ERBB4: variants seen among roughly 807,000 people sequenced by gnomAD.
ERBB4 encodes the protein receptor tyrosine-protein kinase erbB-4.
Under a neutral mutation model 158.0 loss-of-function variants are expected in ERBB4, and 42 were observed. That is an observed-to-expected ratio of 0.27 (90% confidence interval 0.21 to 0.34). ERBB4 has a LOEUF of 0.34. Among genes scored for constraint, ERBB4 ranks in the 10% least tolerant of loss-of-function variants. The pLI, the probability that ERBB4 is intolerant of heterozygous loss-of-function variation, is 1.00. For synonymous variants in ERBB4, 583 were observed against 558.7 expected, an observed-to-expected ratio of 1.04 and a Z score of -0.61; for missense variants, 1,333 against 1,624.1, an observed-to-expected ratio of 0.82 and a Z score of 3.08.
At chr2:211,556,635 A>G in intron 20 of ERBB4, among the ~76,000 whole-genome samples, 1 of 152,190 alleles carries the variant, frequency 6.6e-6, no homozygotes, top group Non-Finnish European at 1.5e-5. Context: ...ATTGCACATA[A>G]ATACTCCTCA....
intron 20 of ERBB4, among the ~76,000 whole-genome samples, chr2:211,513,357 C>CAAAAAAAAAAAAAAAAAAAAAAAAAA (rs61042785): frequency 1.3e-4 from 5 of 39,200 alleles, no homozygotes; most frequent in African/African-American, 3.3e-4. Context: ...GACTCCGTCT[C>CAAAAAAAAAAAAAAAAAAAAAAAAAA]AAAAAAAAAA....
chr2:211,470,188 A>T (rs920793139), intron 20 of ERBB4, among the ~76,000 whole-genome samples: 1 of 152,140 alleles, frequency 6.6e-6, no homozygotes, highest in East Asian at 1.9e-4. Context: ...TACGTCCCAC[A>T]CTAATATTAA....
intron 3 of ERBB4, among the ~76,000 whole-genome samples, chr2:211,867,051 A>AAAAG (rs869292344): frequency 1.6e-4 from 22 of 138,510 alleles, no homozygotes; most frequent in African/African-American, 5.7e-4. Context: ...AAAAAAAAAA[A>AAAAG]GATCGTGTTC....
chr2:212,295,267 A>G (rs890128567), intron 1 of ERBB4, among the ~76,000 whole-genome samples: 4 of 152,070 alleles, frequency 2.6e-5, no homozygotes, highest in Admixed American at 2.6e-4. Context: ...AAATTACTCA[A>G]AGCACCCATA....
At chr2:212,044,978 AC>A (rs1428377444) in intron 2 of ERBB4, among the ~76,000 whole-genome samples, 1 of 152,060 alleles carries the variant, frequency 6.6e-6, no homozygotes, top group Non-Finnish European at 1.5e-5. Flanking sequence ...ACACTTCATT[AC>A]CCGTCATATA....
chr2:212,145,727 T>TAA (rs5838300), intron 1 of ERBB4, among the ~76,000 whole-genome samples: 95 of 88,870 alleles, frequency 1.1e-3, no homozygotes, highest in African/African-American at 2.8e-3. Flanking sequence ...CAGCATGCAG[T>TAA]AAAAAAAAAA....
chr2:211,698,332 A>G (rs1368744275), intron 12 of ERBB4, among the ~76,000 whole-genome samples: 13 of 151,388 alleles, frequency 8.6e-5, no homozygotes, highest in Admixed American at 2.6e-4. Context: ...AAAAAAAAAA[A>G]AGGGGAATAA....
At chr2:211,550,111 C>T (rs1010971431) in intron 20 of ERBB4, among the ~76,000 whole-genome samples, 4 of 152,056 alleles carry the variant, frequency 2.6e-5, no homozygotes, top group African/African-American at 7.2e-5. Flanking sequence ...TGCTGACCAC[C>T]ATTAAGCTAA....
rs192678570 is a variant in ERBB4 at position 211,660,132 on chromosome 2, A to G, written c.1872-2304T>C. On this transcript the variant is annotated intron_variant, in intron 15 of 27. Coordinates refer to ENST00000342788, the MANE Select transcript of ERBB4 (RefSeq NM_005235.3). ...AGGGGAAAAAAGAAGTTAGAACATT[A>G]GGTGGGAGCCAGATTTTGAGAAATA... Among the ~76,000 whole-genome samples, 487 of 152,320 alleles carry G rather than the reference A, an allele frequency of 3.2e-3. 3 individuals carry two copies. The highest frequency in any genetic ancestry group is 0.011 in the African/African-American group (443 of 41,568).
chr2:212,016,879 AAAG>A (rs1351902188), intron 2 of ERBB4, among the ~76,000 whole-genome samples: 4 of 152,254 alleles, frequency 2.6e-5, no homozygotes, highest in Admixed American at 6.5e-5. Context: ...GGACTTATAA[AAAG>A]AAAGATATGA....
At chr2:211,806,058 T>C (rs1028014867) in intron 3 of ERBB4, among the ~76,000 whole-genome samples, 7 of 152,064 alleles carry the variant, frequency 4.6e-5, no homozygotes. Flanking sequence ...TATCAATAAA[T>C]TGAGGCAAAT....
chr2:212,417,610 T>A (rs1054416696), intron 1 of ERBB4, among the ~76,000 whole-genome samples: 1 of 152,064 alleles, frequency 6.6e-6, no homozygotes, highest in Non-Finnish European at 1.5e-5. Context: ...CAACCTGTAA[T>A]GTCAGTCTGA....
At chr2:212,131,188 G>A (rs1007271854) in intron 1 of ERBB4, among the ~76,000 whole-genome samples, 1 of 152,116 alleles carries the variant, frequency 6.6e-6, no homozygotes, top group African/African-American at 2.4e-5. Flanking sequence ...CACTGCTATA[G>A]TCATTTAATC....
chr2:212,128,964 C>T (rs1226945473), intron 1 of ERBB4, among the ~76,000 whole-genome samples: 1 of 151,706 alleles, frequency 6.6e-6, no homozygotes, highest in Non-Finnish European at 1.5e-5. Flanking sequence ...TTTATTGCTC[C>T]CAGTAAATTT....
chr2:212,513,814 A>T (rs190979442), intron 1 of ERBB4, among the ~76,000 whole-genome samples: 115 of 151,882 alleles, frequency 7.6e-4, no homozygotes, highest in African/African-American at 2.7e-3. Flanking sequence ...TCCGTCTCAA[A>T]AAATAAATAA....
chr2:211,996,833 C>T (rs928135155), intron 2 of ERBB4, among the ~76,000 whole-genome samples: 1 of 152,146 alleles, frequency 6.6e-6, no homozygotes, highest in Non-Finnish European at 1.5e-5. Flanking sequence ...TGGTCATACA[C>T]GTTTAATTTT....
rs73069282 is a variant in ERBB4, at chr2:212,096,601, T to C, written c.234+28151A>G. Among the ~76,000 whole-genome samples, 531 of 152,314 alleles carry C rather than the reference T, an allele frequency of 3.5e-3. 1 individual carries two copies. The highest frequency in any genetic ancestry group is 0.012 in the African/African-American group (505 of 41,578). ...GTAAGTCATTGAAACTCACATAGTA[T>C]ACATGTCATGCATTATCTAAAATAT... On this transcript the variant is annotated intron_variant, in intron 2 of 27. Coordinates refer to ENST00000342788, the MANE Select transcript of ERBB4 (RefSeq NM_005235.3).
chr2:211,608,543 G>T (rs2069072975), intron 19 of ERBB4, among the ~76,000 whole-genome samples: 1 of 152,128 alleles, frequency 6.6e-6, no homozygotes, highest in Non-Finnish European at 1.5e-5. Flanking sequence ...CATTCTTGTA[G>T]CCCAATATAG....
At chr2:212,435,881 T>G (rs1373655243) in intron 1 of ERBB4, among the ~76,000 whole-genome samples, 1 of 151,860 alleles carries the variant, frequency 6.6e-6, no homozygotes, top group East Asian at 1.9e-4. Context: ...TTAGCACTTA[T>G]AAATTTATAT....
Sources: allele counts gnomAD v4.1 joint callset (sites outside exome capture counted in the v4.1 genomes callset), GRCh38; gene constraint gnomAD v4.1.1; transcripts MANE v1.5; gene names NCBI Gene and HGNC (gene_info 2026-07-23, HGNC 2026-07-21).